ABCA13: variants seen among roughly 807,000 people sequenced by gnomAD.
The protein encoded by ABCA13 is ATP-binding cassette sub-family A member 13.
In ABCA13, 476 loss-of-function variants were observed where a neutral mutation model predicts 478.7. The ratio of observed to expected loss-of-function variants is 0.99; its 90% confidence interval spans 0.92 to 1.07. The LOEUF (loss-of-function observed/expected upper bound fraction) is 1.07. Ranked by LOEUF, ABCA13 falls within the 50% of genes least tolerant of loss-of-function variation. ABCA13 has a pLI of 0.00. For missense variants in ABCA13, 6,060 were observed against 5,910.6 expected (o/e 1.03, Z -0.83); for synonymous variants, 2,252 against 2,158.9 (o/e 1.04, Z -1.20).
At chr7:48,452,635 CAGGTGGCTAAGAAT>C (rs1825183044) in intron 42 of ABCA13, among the ~76,000 whole-genome samples, 1 of 152,178 alleles carries the variant, frequency 6.6e-6, no homozygotes, top group Admixed American at 6.5e-5. Context: ...CACAGTTTGG[CAGGTGGCTAAGAAT>C]GGGTGGCTAG....
intron 55 of ABCA13, among the ~76,000 whole-genome samples, chr7:48,562,600 G>T (rs1458770008): frequency 1.3e-5 from 2 of 152,120 alleles, no homozygotes; most frequent in East Asian, 3.9e-4. Context: ...ATATAATTCT[G>T]AAGTAGAGAT....
At position 48,627,183 on chromosome 7, in the gene ABCA13, A is replaced by C. The variant is rs1042942065; in HGVS notation, c.14837+11806A>C. The stretch of plus-strand genomic sequence containing the variant: ...ACAATAAAGAAACTGAGACCTAAAG[A>C]ATTTAAGCAGTTGGCCCCAAAACAG... On this transcript the variant is annotated intron_variant, in intron 59 of 61. Coordinates refer to ENST00000435803, the MANE Select transcript of ABCA13 (RefSeq NM_152701.5). 1.1e-5 allele frequency: 6 copies of C among 522,212 alleles called. No individual in the cohort carries two copies. In the African/African-American group the frequency reaches 1.2e-4, roughly 11 times the overall value. The allele number at this position is 522,212 out of a possible 1,614,324, so 32.3% of individuals were successfully genotyped here. A position where few individuals can be genotyped will look rare whatever the true frequency, so the allele number is the denominator to read the frequency against.
At chr7:48,571,812 G>A (rs1034757042) in intron 55 of ABCA13, among the ~76,000 whole-genome samples, 2 of 152,148 alleles carry the variant, frequency 1.3e-5, no homozygotes, top group African/African-American at 4.8e-5. Flanking sequence ...GCATTATAAT[G>A]TTGAATAGAA....
rs1473836695 is a variant in ABCA13, at chr7:48,410,502, C to A, written c.12071-18C>A. ...CCTTTGTCCTCCTGGTGCTGATGCACCCTGTGCTTGGACCCAGGTCGTACG... is the reference window on the plus strand; with the variant it reads ...CCTTTGTCCTCCTGGTGCTGATGCAACCTGTGCTTGGACCCAGGTCGTACG... On this transcript the variant is annotated intron_variant, in intron 39 of 61. Transcript: ENST00000435803. 6 of 1,613,948 alleles carry A rather than the reference C, an allele frequency of 3.7e-6. No individual in the cohort carries two copies. Among genetic ancestry groups the A allele is most frequent in the Non-Finnish European group, 5.1e-6 (6 of 1,179,844 alleles).
At chr7:48,492,139 T>C (rs1186903446) in intron 48 of ABCA13, among the ~76,000 whole-genome samples, 1 of 152,178 alleles carries the variant, frequency 6.6e-6, no homozygotes, top group Non-Finnish European at 1.5e-5. Context: ...CCTTTCTCTC[T>C]AGGAGACAGC....
intron 59 of ABCA13, among the ~76,000 whole-genome samples, chr7:48,622,291 A>G (rs949596668): frequency 6.6e-6 from 1 of 151,954 alleles, no homozygotes; most frequent in Non-Finnish European, 1.5e-5. Context: ...CTCTCTCCTA[A>G]TCCATTCTCT....
At chr7:48,559,566 A>G (rs1233073222) in intron 55 of ABCA13, among the ~76,000 whole-genome samples, 1 of 152,122 alleles carries the variant, frequency 6.6e-6, no homozygotes, top group Non-Finnish European at 1.5e-5. Context: ...AGACAAAGTC[A>G]TCTTTCCTTT....
chr7:48,228,145 T>TACTTATTCTATCTGCC lies in ABCA13; in HGVS notation c.632+722_632+737dup, dbSNP rs1223780740. ...ATATTCTTCTCTGTTTTTTAACTGT[T>TACTTATTCTATCTGCC]ACTTATTCTATCTGCCATTGGTGAG... is the stretch of plus-strand genomic sequence containing the variant. On this transcript the variant is annotated intron_variant, in intron 6 of 61. Coordinates refer to ENST00000435803, the MANE Select transcript of ABCA13 (RefSeq NM_152701.5). Among the ~76,000 whole-genome samples, 8 of 152,254 alleles carry TACTTATTCTATCTGCC rather than the reference T, an allele frequency of 5.3e-5. No individual in the cohort carries two copies. The East Asian group carries it at 1.5e-3, about 29-fold the overall frequency.
intron 15 of ABCA13, among the ~76,000 whole-genome samples, chr7:48,251,413 G>A (rs769462725): frequency 6.6e-6 from 1 of 152,112 alleles, no homozygotes; most frequent in Non-Finnish European, 1.5e-5. Context: ...GTACCATTAT[G>A]ATTTCATTTT....
In ABCA13 at chr7:48,272,315, A is replaced by G; in HGVS notation, c.2649A>G (p.Lys883=). The change falls in exon 17 of 62, where the codon AAA becomes AAG. Residue 883 remains lysine, a synonymous_variant. Transcript: ENST00000435803. ...AGTTGTTCCATTCAGATTGGCCTAA[A>G]TCACCAGCTATGAACATAGATTTTG... The part of the protein sequence containing the change: ...FSQLFHSDWP[K]SPAMNIDFVR... 1 of 1,613,750 alleles carries G rather than the reference A, an allele frequency of 6.2e-7. No individual in the cohort carries two copies. Among genetic ancestry groups the G allele is most frequent in the Non-Finnish European group, 8.5e-7 (1 of 1,179,748 alleles).
chr7:48,201,111 G>A (rs966094897), intron 3 of ABCA13, among the ~76,000 whole-genome samples: 1 of 152,244 alleles, frequency 6.6e-6, no homozygotes, highest in Non-Finnish European at 1.5e-5. Flanking sequence ...TAGGGCAGAT[G>A]GGAGGGGGAG....
intron 58 of ABCA13, among the ~76,000 whole-genome samples, chr7:48,601,391 G>T (rs547631565): frequency 1.3e-5 from 2 of 151,810 alleles, no homozygotes; most frequent in Admixed American, 1.3e-4. Flanking sequence ...TCCCACCCCC[G>T]CAACAGGCCC....
intron 44 of ABCA13, among the ~76,000 whole-genome samples, chr7:48,470,317 C>A (rs1032611942): frequency 2.6e-5 from 4 of 152,040 alleles, no homozygotes; most frequent in African/African-American, 9.7e-5. Flanking sequence ...TAAAAGGGAG[C>A]TAGGAGAAGA....
intron 1 of ABCA13, among the ~76,000 whole-genome samples, chr7:48,184,484 A>G (rs1264431747): frequency 6.6e-6 from 1 of 152,196 alleles, no homozygotes; most frequent in Non-Finnish European, 1.5e-5. Context: ...TTAAAAAGAA[A>G]AGGAAAACTG....
At chr7:48,617,581 A>C (rs1792708907) in intron 59 of ABCA13, among the ~76,000 whole-genome samples, 2 of 152,124 alleles carry the variant, frequency 1.3e-5, no homozygotes, top group Non-Finnish European at 2.9e-5. Context: ...CCCAGAGGGC[A>C]GGGCTTGGGC....
chr7:48,201,000 G>A (rs1660368276), intron 3 of ABCA13, among the ~76,000 whole-genome samples: 1 of 150,302 alleles, frequency 6.7e-6, no homozygotes, highest in Admixed American at 6.7e-5. Context: ...GAGAATAAGA[G>A]TTCAAAGGCG....
chr7:48,272,772 A>G lies in ABCA13; in HGVS notation c.3106A>G (p.Ile1036Val), dbSNP rs780793100. The change falls in exon 17 of 62, where the codon ATT becomes GTT. Residue 1036 changes from isoleucine to valine, a missense_variant. Ile to Val is a conservative substitution (Grantham distance 29). This residue lies in a region of ABCA13 where 4,423 missense variants were observed against 4,309.1 expected (regional missense o/e 1.03). Coordinates refer to ENST00000435803, the MANE Select transcript of ABCA13 (RefSeq NM_152701.5). ...NVSYCQQLLS[I>V]FNFLELQAQS... Reference sequence around the variant, plus strand: ...ATCTTACTGTCAGCAATTGCTTTCAATTTTTAACTTTTTGGAGCTTCAGGC... The same window carrying G: ...ATCTTACTGTCAGCAATTGCTTTCAGTTTTTAACTTTTTGGAGCTTCAGGC... 1.9e-6 allele frequency: 3 copies of G among 1,606,598 alleles called. No individual in the cohort carries two copies. The highest frequency in any genetic ancestry group is 2.6e-6 in the Non-Finnish European group (3 of 1,175,580).
chr7:48,620,453 A>G (rs903192401), intron 59 of ABCA13, among the ~76,000 whole-genome samples: 2 of 152,142 alleles, frequency 1.3e-5, no homozygotes. Context: ...GGGTTGGATA[A>G]TTCTTGGTTG....
chr7:48,493,096 C>G (rs570611660), intron 48 of ABCA13, among the ~76,000 whole-genome samples: 1 of 152,256 alleles, frequency 6.6e-6, no homozygotes, highest in South Asian at 2.1e-4. Context: ...GCAGTTGATA[C>G]TTCACATTAT....
Sources: allele counts gnomAD v4.1 joint callset (sites outside exome capture counted in the v4.1 genomes callset), GRCh38; gene constraint gnomAD v4.1.1; regional missense constraint gnomAD v4.1.1; transcripts MANE v1.5; gene names NCBI Gene and HGNC (gene_info 2026-07-23, HGNC 2026-07-21).